The following ST8SIA2 variants were observed in gnomAD, a reference collection of about 807,000 sequenced individuals.
The protein encoded by ST8SIA2 is alpha-2,8-sialyltransferase 8B.
Under a neutral mutation model 37.6 loss-of-function variants are expected in ST8SIA2, and 22 were observed. The observed-to-expected ratio is 0.58, with a 90% CI of 0.42 to 0.83. The LOEUF is 0.83. Among genes scored for constraint, ST8SIA2 ranks in the 40% least tolerant of loss-of-function variants. The pLI is 0.00. For missense variants in ST8SIA2, 382 were observed against 484.7 expected, an observed-to-expected ratio of 0.79 and a Z score of 1.99; for synonymous variants, 205 against 201.2, an observed-to-expected ratio of 1.02 and a Z score of -0.16.
At chr15:92,450,727 GT>G (rs932579050) in intron 5 of ST8SIA2, among the ~76,000 whole-genome samples, 1 of 152,136 alleles carries the variant, frequency 6.6e-6, no homozygotes, top group African/African-American at 2.4e-5. Context: ...CTCCCACCAG[GT>G]CCCACCTCCA....
chr15:92,426,965 G>A (rs558908570), intron 1 of ST8SIA2, among the ~76,000 whole-genome samples: 2 of 152,190 alleles, frequency 1.3e-5, no homozygotes, highest in African/African-American at 2.4e-5. Flanking sequence ...GTGATGGCAG[G>A]CGCCTGTAAC....
At chr15:92,440,490 C>G (rs541085572) in intron 4 of ST8SIA2, among the ~76,000 whole-genome samples, 5 of 152,142 alleles carry the variant, frequency 3.3e-5, no homozygotes, top group Non-Finnish European at 7.4e-5. Flanking sequence ...CCACACCCAT[C>G]CACACATACT....
chr15:92,395,491 T>A (rs1156338274), intron 1 of ST8SIA2, among the ~76,000 whole-genome samples: 1 of 152,166 alleles, frequency 6.6e-6, no homozygotes, highest in Non-Finnish European at 1.5e-5. Context: ...GAATTCCTTC[T>A]GTGAACTCCG....
intron 4 of ST8SIA2, among the ~76,000 whole-genome samples, chr15:92,444,232 A>C (rs1395136365): frequency 6.6e-6 from 1 of 152,174 alleles, no homozygotes; most frequent in Non-Finnish European, 1.5e-5. Flanking sequence ...ACACAGGTAG[A>C]AAGTGTCCAA....
chr15:92,407,324 G>A (rs2049515757), intron 1 of ST8SIA2, among the ~76,000 whole-genome samples: 1 of 152,342 alleles, frequency 6.6e-6, no homozygotes. Flanking sequence ...ATAAGATGAG[G>A]AGAGCAGAGA....
chr15:92,459,017 G>A (rs1397379620), intron 5 of ST8SIA2, among the ~76,000 whole-genome samples: 1 of 152,192 alleles, frequency 6.6e-6, no homozygotes. Context: ...AGTGGGGAAA[G>A]GCATCTAGGC....
Position 92,428,329 on chromosome 15 carries a change from G to A in ST8SIA2, c.99-1720G>A, listed in dbSNP as rs190395805. ...AGTTTGGGAAACATTTGTTAAATCC[G>A]TGATGTTTTTTCTGTCTAGAGTAAG... On this transcript the variant is annotated intron_variant, in intron 1 of 5. Transcript: ENST00000268164. Among the ~76,000 whole-genome samples the A allele has an allele frequency of 2.5e-3, 383 of 152,318 alleles. 2 individuals carry two copies. Among genetic ancestry groups the A allele is most frequent in the African/African-American group, 8.8e-3 (364 of 41,574 alleles).
intron 1 of ST8SIA2, among the ~76,000 whole-genome samples, chr15:92,420,133 G>A (rs1192431352): frequency 1.3e-5 from 2 of 152,136 alleles, no homozygotes; most frequent in Non-Finnish European, 2.9e-5. Context: ...CCAAAGTGCT[G>A]GGATTACAAG....
At chr15:92,395,500 C>T (rs1005052137) in intron 1 of ST8SIA2, among the ~76,000 whole-genome samples, 9 of 152,164 alleles carry the variant, frequency 5.9e-5, no homozygotes, top group African/African-American at 2.2e-4. Context: ...CTGTGAACTC[C>T]GCTGGGCTTC....
chr15:92,394,820 C>G (rs1253588990), intron 1 of ST8SIA2, among the ~76,000 whole-genome samples: 1 of 152,322 alleles, frequency 6.6e-6, no homozygotes, highest in South Asian at 2.1e-4. Flanking sequence ...AGCCAAGCCA[C>G]GGCAACCCCG....
chr15:92,441,741 G>A (rs1035947600), intron 4 of ST8SIA2, among the ~76,000 whole-genome samples: 11 of 152,172 alleles, frequency 7.2e-5, no homozygotes, highest in African/African-American at 2.7e-4. Context: ...GCTATTCTAT[G>A]TACTTCATGT....
intron 5 of ST8SIA2, among the ~76,000 whole-genome samples, chr15:92,456,868 G>C (rs541680377): frequency 4.6e-5 from 7 of 152,216 alleles, no homozygotes; most frequent in Admixed American, 4.6e-4. Flanking sequence ...TTGAGCAAGA[G>C]TGTTGGCTTA....
At chr15:92,413,520 C>T (rs949843221) in intron 1 of ST8SIA2, among the ~76,000 whole-genome samples, 1 of 152,166 alleles carries the variant, frequency 6.6e-6, no homozygotes, top group Non-Finnish European at 1.5e-5. Flanking sequence ...GAAGCCATGT[C>T]CCATTTCCCT....
Position 92,461,914 on chromosome 15 carries a change from CTG to C in ST8SIA2, c.843-2182_843-2181del, listed in dbSNP as rs569299896. Among the ~76,000 whole-genome samples the C allele has an allele frequency of 2.2e-3, 331 of 152,312 alleles. 1 individual carries two copies. Among genetic ancestry groups the C allele is most frequent in the African/African-American group, 7.6e-3 (316 of 41,566 alleles). The stretch of plus-strand genomic sequence containing the variant: ...TTGCTCCTGTTATTTTTCAATTGCA[CTG>C]TGTTTGCAGTTACCAGCCAGAGCCA... On this transcript the variant is annotated intron_variant, in intron 5 of 5. Coordinates refer to ENST00000268164, the MANE Select transcript of ST8SIA2 (RefSeq NM_006011.4).
chr15:92,457,473 GA>G (rs1212856181), intron 5 of ST8SIA2, among the ~76,000 whole-genome samples: 26 of 152,134 alleles, frequency 1.7e-4, no homozygotes, highest in African/African-American at 5.8e-4. Flanking sequence ...TGCCTTCTTT[GA>G]GATTACTTTG....
intron 1 of ST8SIA2, among the ~76,000 whole-genome samples, chr15:92,424,945 T>C (rs754693661): frequency 6.6e-6 from 1 of 152,210 alleles, no homozygotes; most frequent in Non-Finnish European, 1.5e-5. Flanking sequence ...GTTGAGAATA[T>C]TGCAGCAGGG....
At chr15:92,439,951 CG>C (rs914930227) in intron 4 of ST8SIA2, among the ~76,000 whole-genome samples, 3 of 149,190 alleles carry the variant, frequency 2.0e-5, no homozygotes, top group South Asian at 2.2e-4. Context: ...CCGGGGGAGG[CG>C]GGGGGGTGGC....
intron 1 of ST8SIA2, among the ~76,000 whole-genome samples, chr15:92,404,707 A>G (rs541428164): frequency 4.6e-5 from 7 of 151,422 alleles, no homozygotes; most frequent in Non-Finnish European, 1.0e-4. Flanking sequence ...GTAGTGCTGC[A>G]TGCCTGTAGT....
intron 4 of ST8SIA2, among the ~76,000 whole-genome samples, chr15:92,442,658 G>A (rs1213819116): frequency 6.6e-6 from 1 of 152,156 alleles, no homozygotes; most frequent in African/African-American, 2.4e-5. Flanking sequence ...GACCTGAGCA[G>A]CCCCACACTG....
Sources: gnomAD v4.1 joint callset for allele counts (sites outside exome capture counted in the v4.1 genomes callset) on GRCh38, gnomAD v4.1.1 for gene constraint, MANE v1.5 for transcripts, NCBI Gene and HGNC (gene_info 2026-07-23, HGNC 2026-07-21) for gene names.